The following PTPRA variants were observed in gnomAD, a reference collection of about 807,000 sequenced individuals.
The protein encoded by PTPRA is protein tyrosine phosphatase receptor type A.
PTPRA carries 25 observed loss-of-function variants against 104.8 expected under a neutral mutation model. That is an observed-to-expected ratio of 0.24 (90% CI 0.17 to 0.33). The LOEUF (loss-of-function observed/expected upper bound fraction) is 0.33. Ranked by LOEUF, PTPRA falls within the 10% of genes least tolerant of loss-of-function variation. The pLI, the probability that PTPRA is intolerant of heterozygous loss-of-function variation, is 1.00. For missense variants in PTPRA, 765 were observed against 1,015.3 expected (o/e 0.75, Z 3.35); for synonymous variants, 323 against 368.9 (o/e 0.88, Z 1.43).
At chr20:3,018,623 T>A (rs2148401596) in intron 13 of PTPRA, among the ~76,000 whole-genome samples, 1 of 152,010 alleles carries the variant, frequency 6.6e-6, no homozygotes, top group South Asian at 2.1e-4. Flanking sequence ...CATGTCTACT[T>A]CTTTCCACAC....
Position 2,960,848 on chromosome 20 carries a change from C to CT in PTPRA, c.-6-3411dup, listed in dbSNP as rs948883669. Reference sequence around the variant, plus strand: ...CACCGCACCTGGCCTTTTTTATTTTCTTTTTTTTTTTTTAACCAGTGATCT... The same window carrying CT: ...CACCGCACCTGGCCTTTTTTATTTTCTTTTTTTTTTTTTTAACCAGTGATCT... On this transcript the variant is annotated intron_variant, in intron 3 of 23. Transcript: ENST00000399903. 8.6e-4 allele frequency among the ~76,000 whole-genome samples: 122 copies of CT among 142,012 alleles called. 1 individual carries two copies. The highest frequency in any genetic ancestry group is 5.2e-3 in the South Asian group (23 of 4,422). The allele number at this position is 142,012 out of a possible 152,430, so 93.2% of individuals were successfully genotyped here.
intron 1 of PTPRA, among the ~76,000 whole-genome samples, chr20:2,877,957 C>T (rs966103554): frequency 2.6e-5 from 4 of 151,928 alleles, no homozygotes; most frequent in Admixed American, 1.3e-4. Flanking sequence ...TCAAGACCAT[C>T]CTGGCCAACA....
chr20:2,866,281 C>G, the PTPRA span: 6 of 1,614,092 alleles, frequency 3.7e-6, no homozygotes, highest in Middle Eastern at 3.3e-4. Context: ...CCGCGTGGGT[C>G]CCGAGCAGAA....
At chr20:2,896,039 C>T (rs879316067) in intron 1 of PTPRA, among the ~76,000 whole-genome samples, 1 of 151,996 alleles carries the variant, frequency 6.6e-6, no homozygotes, top group South Asian at 2.1e-4. Context: ...TTCTAGTTAT[C>T]TTTTTGTAAC....
intron 9 of PTPRA, among the ~76,000 whole-genome samples, chr20:3,000,954 T>C (rs1033875684): frequency 2.6e-5 from 4 of 152,198 alleles, no homozygotes; most frequent in Admixed American, 6.5e-5. Context: ...AGTTAAATTA[T>C]GTGATGGATA....
chr20:2,989,862 A>AG (rs2063088677), intron 9 of PTPRA, among the ~76,000 whole-genome samples: 1 of 151,630 alleles, frequency 6.6e-6, no homozygotes, highest in Non-Finnish European at 1.5e-5. Context: ...CTAAAAATAC[A>AG]AAAAATTAGC....
intron 1 of PTPRA, among the ~76,000 whole-genome samples, chr20:2,905,900 G>A (rs1600091822): frequency 6.6e-6 from 1 of 151,766 alleles, no homozygotes; most frequent in African/African-American, 2.4e-5. Context: ...TGGTCAGGCT[G>A]GTCTCGAACT....
chr20:2,942,557 G>T (rs867949340), intron 2 of PTPRA, among the ~76,000 whole-genome samples: 34 of 151,524 alleles, frequency 2.2e-4, no homozygotes, highest in African/African-American at 8.0e-4. Context: ...TATATTCTTT[G>T]CTTTCTATTT....
intron 20 of PTPRA, among the ~76,000 whole-genome samples, chr20:3,032,315 C>T (rs534359330): frequency 7.2e-5 from 11 of 152,174 alleles, no homozygotes; most frequent in Admixed American, 1.3e-4. Context: ...CATCTTCTCT[C>T]CCACCTCCAT....
intron 11 of PTPRA, among the ~76,000 whole-genome samples, chr20:3,015,297 CTTTT>C (rs1221078784): frequency 6.8e-6 from 1 of 146,496 alleles, no homozygotes; most frequent in Non-Finnish European, 1.5e-5. Context: ...TTCTTTCTTT[CTTTT>C]TCTTTTTTTT....
At chr20:2,910,419 A>ATTTT (rs1390038734) in intron 1 of PTPRA, among the ~76,000 whole-genome samples, 1,160 of 91,488 alleles carry the variant, frequency 0.013, 197 homozygotes, top group South Asian at 0.027. Flanking sequence ...TATATTATAT[A>ATTTT]ATATATAAAA....
chr20:2,993,907 G>A (rs1384851800), intron 9 of PTPRA, among the ~76,000 whole-genome samples: 1 of 152,166 alleles, frequency 6.6e-6, no homozygotes, highest in East Asian at 1.9e-4. Flanking sequence ...CCTTTTGGAG[G>A]CCCTGACAGA....
chr20:2,960,843 A>G (rs556938859), intron 3 of PTPRA, among the ~76,000 whole-genome samples: 1 of 128,904 alleles, frequency 7.8e-6, no homozygotes, highest in South Asian at 2.4e-4. Flanking sequence ...GGCCTTTTTT[A>G]TTTTCTTTTT....
Position 3,035,880 on chromosome 20 carries a change from A to G in PTPRA, c.2137A>G (p.Ile713Val). 6.2e-7 allele frequency: 1 copy of G among 1,614,116 alleles called. No individual in the cohort carries two copies. Among genetic ancestry groups the G allele is most frequent in the Non-Finnish European group, 8.5e-7 (1 of 1,180,048 alleles). ...TGACGGAAAGGGCATGATCAGCATC[A>G]TCGCCGCCGTGCAGAAGCAGCAGCA... ...PSDGKGMISI[I>V]AAVQKQQQQS... Residue 713 changes from isoleucine (I) to valine (V), a missense_variant, in exon 22 of 24, where the codon ATC (isoleucine) becomes GTC (valine). Coordinates refer to ENST00000399903, the MANE Select transcript of PTPRA (RefSeq NM_001385305.1). The surrounding 1 kb of genome is among the most constrained non-coding windows in gnomAD (Gnocchi z 5.8).
At chr20:2,874,420 C>T (rs1161925602) in intron 1 of PTPRA, among the ~76,000 whole-genome samples, 1 of 151,826 alleles carries the variant, frequency 6.6e-6, no homozygotes, top group African/African-American at 2.4e-5. Context: ...GAGCAGAGTC[C>T]TGTCTTGAGG....
At chr20:2,904,204 C>T (rs1444526486) in intron 1 of PTPRA, among the ~76,000 whole-genome samples, 2 of 152,036 alleles carry the variant, frequency 1.3e-5, no homozygotes, top group East Asian at 1.9e-4. Context: ...TGAGCCATGG[C>T]GCCCAGTCTA....
In PTPRA at chr20:2,964,845, T is replaced by G. The variant is rs2061887292; in HGVS notation, c.74-16T>G. 5 of 1,586,894 alleles carry G rather than the reference T, an allele frequency of 3.2e-6. No individual in the cohort carries two copies. The South Asian group carries it at 4.4e-5, about 14-fold the overall frequency. On this transcript the variant is annotated splice_polypyrimidine_tract_variant and intron_variant, in intron 4 of 23. Transcript: ENST00000399903. The stretch of plus-strand genomic sequence containing the variant: ...CATTCTTCATGTGCTATTTCCTTGT[T>G]TTTTGGTGTTTGTAGTTGCACCTTC...
At chr20:2,916,809 A>C (rs2059918091) in intron 1 of PTPRA, among the ~76,000 whole-genome samples, 1 of 152,180 alleles carries the variant, frequency 6.6e-6, no homozygotes, top group Non-Finnish European at 1.5e-5. Flanking sequence ...TTATACCATT[A>C]CCACACAGCT....
Position 2,995,646 on chromosome 20 carries a change from A to G in PTPRA, c.738+7172A>G, listed in dbSNP as rs536635228. ...TAAAGCCTTATCTTTCTCATGAGCAACCCAGGAAAGATGTGAATTCTGTGG... is the reference window on the plus strand; with the variant it reads ...TAAAGCCTTATCTTTCTCATGAGCAGCCCAGGAAAGATGTGAATTCTGTGG... On this transcript the variant is annotated intron_variant, in intron 9 of 23. Transcript: ENST00000399903. Among the ~76,000 whole-genome samples, 21 of 152,180 alleles carry G rather than the reference A, an allele frequency of 1.4e-4. No homozygotes were observed. In the South Asian group the frequency reaches 3.9e-3, roughly 29 times the overall value.
Sources: allele counts gnomAD v4.1 joint callset (sites outside exome capture counted in the v4.1 genomes callset), GRCh38; gene constraint gnomAD v4.1.1; non-coding constraint Gnocchi (gnomAD v3.1); transcripts MANE v1.5; gene names NCBI Gene and HGNC (gene_info 2026-07-23, HGNC 2026-07-21).